GABRB1: variants seen among roughly 807,000 people sequenced by gnomAD.
GABRB1 encodes the protein gamma-aminobutyric acid type A receptor subunit beta1, also known as gamma-aminobutyric acid receptor subunit beta-1.
In GABRB1, 17 loss-of-function variants were observed where a neutral mutation model predicts 51.6. The ratio of observed to expected loss-of-function variants is 0.33; its 90% CI spans 0.23 to 0.49. The LOEUF is 0.49. GABRB1 is among the 20% of genes least tolerant of loss of function. GABRB1 has a pLI of 0.99. For synonymous variants in GABRB1, 247 were observed against 218.9 expected, an observed-to-expected ratio of 1.13 and a Z score of -1.14; for missense variants, 410 against 600.6, an observed-to-expected ratio of 0.68 and a Z score of 3.32.
intron 4 of GABRB1, among the ~76,000 whole-genome samples, chr4:47,171,126 G>C (rs1718420215): frequency 2.0e-5 from 3 of 151,996 alleles, no homozygotes; most frequent in Admixed American, 1.3e-4. Context: ...GTTATTTGTG[G>C]ATGTATCATT....
chr4:47,212,493 G>A (rs959555818), intron 4 of GABRB1, among the ~76,000 whole-genome samples: 3 of 152,108 alleles, frequency 2.0e-5, no homozygotes, highest in African/African-American at 4.8e-5. Flanking sequence ...TGGCCAACAT[G>A]GTGAAAACCT....
chr4:47,246,299 TACACACACACACACAC>T (rs59187371), intron 4 of GABRB1, among the ~76,000 whole-genome samples: 2 of 84,170 alleles, frequency 2.4e-5, no homozygotes, highest in African/African-American at 9.4e-5. Flanking sequence ...TATATATATA[TACACACACACACACAC>T]ACACACACAC....
At chr4:47,103,811 A>T (rs1411321371) in intron 3 of GABRB1, among the ~76,000 whole-genome samples, 1 of 151,910 alleles carries the variant, frequency 6.6e-6, no homozygotes, top group Non-Finnish European at 1.5e-5. Context: ...AGCCAGGCAA[A>T]ATTCTGATTA....
chr4:47,118,552 T>C (rs546330811), intron 3 of GABRB1, among the ~76,000 whole-genome samples: 1 of 152,320 alleles, frequency 6.6e-6, no homozygotes, highest in East Asian at 1.9e-4. Flanking sequence ...AGAAAATGCC[T>C]TTCCAGGATA....
At chr4:47,017,385 T>G (rs980804306) in intron 1 of GABRB1, among the ~76,000 whole-genome samples, 5 of 152,198 alleles carry the variant, frequency 3.3e-5, no homozygotes, top group Non-Finnish European at 5.9e-5. Context: ...TCAAACTCCT[T>G]GGACAACTGA....
chr4:47,417,679 T>C (rs913165702), intron 8 of GABRB1, among the ~76,000 whole-genome samples: 2 of 152,180 alleles, frequency 1.3e-5, no homozygotes, highest in African/African-American at 4.8e-5. Context: ...GTGAATTAGC[T>C]CATTCTGTAG....
At chr4:47,032,555 C>T in intron 3 of GABRB1, 71 bp downstream of exon 3, 1 of 1,463,054 alleles carries the variant, frequency 6.8e-7, no homozygotes, top group Non-Finnish European at 9.6e-7. Flanking sequence ...CCTTTGCCCT[C>T]TGCGTTTCAT....
At chr4:47,408,560 A>G (rs1728652054) in intron 8 of GABRB1, among the ~76,000 whole-genome samples, 1 of 152,204 alleles carries the variant, frequency 6.6e-6, no homozygotes, top group Non-Finnish European at 1.5e-5. Flanking sequence ...CACTATGTTC[A>G]GCGCTATGGG....
intron 3 of GABRB1, among the ~76,000 whole-genome samples, chr4:47,109,324 A>G (rs1324422235): frequency 6.6e-6 from 1 of 152,058 alleles, no homozygotes; most frequent in Admixed American, 6.6e-5. Context: ...CCCTTTTAAC[A>G]TTGACACTCT....
At chr4:47,388,719 A>C (rs1195669513) in intron 5 of GABRB1, among the ~76,000 whole-genome samples, 1 of 152,198 alleles carries the variant, frequency 6.6e-6, no homozygotes, top group African/African-American at 2.4e-5. Context: ...TTAGGGCTGC[A>C]TACTTCATGG....
chr4:47,148,353 T>C (rs1371943461), intron 3 of GABRB1, among the ~76,000 whole-genome samples: 1 of 151,996 alleles, frequency 6.6e-6, no homozygotes, highest in African/African-American at 2.4e-5. Context: ...TGCTGGGTCA[T>C]AGAAGTAAAG....
At chr4:47,330,684 T>A (rs1180410495) in intron 5 of GABRB1, among the ~76,000 whole-genome samples, 1 of 152,136 alleles carries the variant, frequency 6.6e-6, no homozygotes, top group East Asian at 1.9e-4. Context: ...AACTTCAAGG[T>A]CTCTTTTAGC....
chr4:47,254,925 G>C (rs1722143503), intron 4 of GABRB1, among the ~76,000 whole-genome samples: 1 of 152,220 alleles, frequency 6.6e-6, no homozygotes, highest in Non-Finnish European at 1.5e-5. Context: ...CACTGCAGGA[G>C]AGAACTGAGG....
upstream of GABRB1, among the ~76,000 whole-genome samples, chr4:47,029,737 G>T (rs561432054): frequency 6.6e-6 from 1 of 151,994 alleles, no homozygotes; most frequent in Non-Finnish European, 1.5e-5. Flanking sequence ...ATGATGTAAA[G>T]ATCTACTTTT....
At chr4:47,096,990 T>C (rs1253231127) in intron 3 of GABRB1, among the ~76,000 whole-genome samples, 3 of 152,192 alleles carry the variant, frequency 2.0e-5, no homozygotes, top group Non-Finnish European at 2.9e-5. Context: ...TGGTGGTTTG[T>C]TATAGCAGCA....
chr4:47,077,814 T>C (rs1045249234), intron 3 of GABRB1, among the ~76,000 whole-genome samples: 1 of 44,024 alleles, frequency 2.3e-5, no homozygotes, highest in Non-Finnish European at 5.6e-5. Context: ...TAGAAACATA[T>C]AAAAAAATAT....
chr4:47,149,848 C>A (rs1717347760), intron 3 of GABRB1, among the ~76,000 whole-genome samples: 1 of 151,614 alleles, frequency 6.6e-6, no homozygotes, highest in Admixed American at 6.6e-5. Flanking sequence ...GCCAAAAATC[C>A]TTTTCTCAAG....
chr4:47,130,325 C>CTGTGTGTG (rs67244692), intron 3 of GABRB1, among the ~76,000 whole-genome samples: 9 of 133,736 alleles, frequency 6.7e-5, no homozygotes, highest in African/African-American at 2.1e-4. Flanking sequence ...GCTCCAGATA[C>CTGTGTGTG]TGTGTGTGTG....
chr4:47,090,460 A>G (rs1292704992), intron 3 of GABRB1, among the ~76,000 whole-genome samples: 1 of 152,218 alleles, frequency 6.6e-6, no homozygotes, highest in African/African-American at 2.4e-5. Context: ...AAATTTAAAC[A>G]CTGCAATGAG....
Sources: gnomAD v4.1 joint callset for allele counts (sites outside exome capture counted in the v4.1 genomes callset) on GRCh38, gnomAD v4.1.1 for gene constraint, MANE v1.5 for transcripts, NCBI Gene and HGNC (gene_info 2026-07-23, HGNC 2026-07-21) for gene names.